The following ZFAND3 variants were observed in gnomAD, a reference collection of about 807,000 sequenced individuals.
ZFAND3 encodes AN1-type zinc finger protein 3.
A neutral mutation model predicts 29.6 loss-of-function variants in ZFAND3; 10 were observed. The ratio of observed to expected loss-of-function variants is 0.34; its 90% confidence interval spans 0.21 to 0.57. The LOEUF (loss-of-function observed/expected upper bound fraction) is 0.57. ZFAND3 is among the 20% of genes least tolerant of loss of function. The probability of loss-of-function intolerance (pLI) is 0.86; values close to 1 mark genes in which losing one functional copy is unlikely to be tolerated. For missense variants in ZFAND3, 230 were observed against 304.5 expected (o/e 0.76, Z 1.82); for synonymous variants, 128 against 112.6 (o/e 1.14, Z -0.87).
At chr6:37,937,585 T>G (rs866550144) in intron 2 of ZFAND3, among the ~76,000 whole-genome samples, 15 of 132,670 alleles carry the variant, frequency 1.1e-4, no homozygotes, top group Admixed American at 8.8e-4. Context: ...AACCAGGGAG[T>G]CGGAGGTTGC....
chr6:38,144,114 A>C (rs1228209707), intron 5 of ZFAND3, among the ~76,000 whole-genome samples: 1 of 148,242 alleles, frequency 6.7e-6, no homozygotes, highest in Non-Finnish European at 1.5e-5. Context: ...CATATGAGCT[A>C]TGAGGTCAGT....
At chr6:37,998,545 G>T (rs917015672) in intron 2 of ZFAND3, among the ~76,000 whole-genome samples, 3 of 151,762 alleles carry the variant, frequency 2.0e-5, no homozygotes, top group Non-Finnish European at 4.4e-5. Context: ...GGGGCGGGAG[G>T]GGGAGAGAAA....
intron 5 of ZFAND3, among the ~76,000 whole-genome samples, chr6:38,128,109 C>T (rs1765670754): frequency 6.6e-6 from 1 of 152,232 alleles, no homozygotes; most frequent in South Asian, 2.1e-4. Flanking sequence ...TTATGGCAAA[C>T]ACACGCACAC....
intron 4 of ZFAND3, among the ~76,000 whole-genome samples, chr6:38,111,942 G>T (rs1335620162): frequency 6.6e-6 from 1 of 152,114 alleles, no homozygotes; most frequent in African/African-American, 2.4e-5. Flanking sequence ...ATGGAATTTG[G>T]TATCCTTGGG....
At chr6:37,897,697 G>T (rs1037591815) in intron 1 of ZFAND3, among the ~76,000 whole-genome samples, 21 of 152,230 alleles carry the variant, frequency 1.4e-4, no homozygotes, top group East Asian at 1.2e-3. Context: ...TATTGGTGTG[G>T]CATTTTAATT....
intron 2 of ZFAND3, among the ~76,000 whole-genome samples, chr6:37,975,272 T>C (rs529687972): frequency 1.5e-3 from 225 of 152,332 alleles, no homozygotes; most frequent in Non-Finnish European, 2.5e-3. Context: ...GCCATCCATG[T>C]ATCTTCTTTG....
At position 37,856,774 on chromosome 6, in the gene ZFAND3, G is replaced by A. The variant is rs898612881; in HGVS notation, c.71+36758G>A. On this transcript the variant is annotated intron_variant, in intron 1 of 5. Coordinates refer to ENST00000287218, the MANE Select transcript of ZFAND3 (RefSeq NM_021943.3). ...AATGCTAATTAACAAAGCAAATACT[G>A]TACCTAAAACAAAATGCATGGTTAT... Among the ~76,000 whole-genome samples, 7 of 152,028 alleles carry A rather than the reference G, an allele frequency of 4.6e-5. No individual in the cohort carries two copies. The East Asian group carries it at 1.3e-3, about 29-fold the overall frequency.
chr6:38,030,531 C>A (rs1763539512), intron 2 of ZFAND3, among the ~76,000 whole-genome samples: 1 of 152,072 alleles, frequency 6.6e-6, no homozygotes, highest in Non-Finnish European at 1.5e-5. Context: ...CTAAAGTATT[C>A]AGAGAAAAGG....
chr6:38,054,477 G>T (rs1002002586), intron 2 of ZFAND3, among the ~76,000 whole-genome samples: 3 of 150,358 alleles, frequency 2.0e-5, no homozygotes, highest in Non-Finnish European at 4.4e-5. Flanking sequence ...TCAGTGAAGA[G>T]AGTCTGATTT....
At chr6:38,094,121 G>A (rs373030928) in intron 4 of ZFAND3, among the ~76,000 whole-genome samples, 3 of 152,246 alleles carry the variant, frequency 2.0e-5, no homozygotes, top group African/African-American at 7.2e-5. Flanking sequence ...CCTAGAAAAG[G>A]TGGTCGCCGT....
chr6:38,128,621 A>G (rs773769122), intron 5 of ZFAND3, among the ~76,000 whole-genome samples: 15 of 152,142 alleles, frequency 9.9e-5, no homozygotes, highest in Non-Finnish European at 2.1e-4. Flanking sequence ...ACTTAGAATA[A>G]TAGTCTCCAG....
intron 1 of ZFAND3, among the ~76,000 whole-genome samples, chr6:37,905,933 C>G (rs1214581093): frequency 6.6e-6 from 1 of 151,966 alleles, no homozygotes. Context: ...ATAATATGAT[C>G]TATGGTATAC....
At chr6:38,117,256 CTTTTT>C (rs35684874) in intron 5 of ZFAND3, among the ~76,000 whole-genome samples, 2 of 96,352 alleles carry the variant, frequency 2.1e-5, no homozygotes, top group African/African-American at 4.2e-5. Context: ...TTGAAATAGC[CTTTTT>C]TTTTTTTTTT....
chr6:38,022,014 T>C (rs1393317453), intron 2 of ZFAND3, among the ~76,000 whole-genome samples: 4 of 152,242 alleles, frequency 2.6e-5, no homozygotes, highest in African/African-American at 9.6e-5. Flanking sequence ...AAATCAAGTC[T>C]GGTATTGGAA....
At chr6:37,899,374 C>T (rs958231036) in intron 1 of ZFAND3, among the ~76,000 whole-genome samples, 3 of 152,118 alleles carry the variant, frequency 2.0e-5, no homozygotes, top group Non-Finnish European at 4.4e-5. Flanking sequence ...CGGGGAAAAG[C>T]GTGCAATATT....
chr6:38,063,985 A>T (rs1453988264), intron 3 of ZFAND3, among the ~76,000 whole-genome samples: 1 of 152,172 alleles, frequency 6.6e-6, no homozygotes, highest in African/African-American at 2.4e-5. Flanking sequence ...GGTAGTGGTC[A>T]TGCTAAGGCA....
At chr6:37,934,404 G>A (rs1350774437) in intron 2 of ZFAND3, among the ~76,000 whole-genome samples, 1 of 151,836 alleles carries the variant, frequency 6.6e-6, no homozygotes, top group Non-Finnish European at 1.5e-5. Flanking sequence ...GGATAACTAC[G>A]ACACTTACAG....
rs141085676 is a variant in ZFAND3 at position 38,029,338 on chromosome 6, G to A, written c.113-32255G>A. Among the ~76,000 whole-genome samples, 870 of 152,302 alleles carry A rather than the reference G, an allele frequency of 5.7e-3. 8 individuals are homozygous for A. The highest frequency in any genetic ancestry group is 0.02 in the African/African-American group (834 of 41,564). On this transcript the variant is annotated intron_variant, in intron 2 of 5. Coordinates refer to ENST00000287218, the MANE Select transcript of ZFAND3 (RefSeq NM_021943.3). ...ATTTTCAGCCTTTGGATTTCAGGAA[G>A]AATAGCTATTCTGATTTTCGTTTTA...
At chr6:38,067,485 T>A (rs1446197069) in intron 3 of ZFAND3, among the ~76,000 whole-genome samples, 1 of 152,238 alleles carries the variant, frequency 6.6e-6, no homozygotes, top group East Asian at 1.9e-4. Flanking sequence ...TTCTCTATCA[T>A]GATTTACGAT....
Sources: gnomAD v4.1 joint callset for allele counts (sites outside exome capture counted in the v4.1 genomes callset) on GRCh38, gnomAD v4.1.1 for gene constraint, MANE v1.5 for transcripts, NCBI Gene and HGNC (gene_info 2026-07-23, HGNC 2026-07-21) for gene names.